Variants in ANKRD11 observed in about 807,000 individuals in gnomAD.
ANKRD11 encodes the protein ankyrin repeat domain-containing protein 11.
ANKRD11 carries 17 observed loss-of-function variants against 195.7 expected under a neutral mutation model. The observed-to-expected ratio is 0.09, with a 90% confidence interval of 0.06 to 0.13. The LOEUF (loss-of-function observed/expected upper bound fraction) is 0.13, where lower values mean the gene tolerates loss of function less well. Among genes scored for constraint, ANKRD11 ranks in the 10% least tolerant of loss-of-function variants. The pLI is 1.00. For missense variants in ANKRD11, 3,735 were observed against 3,566.1 expected, an observed-to-expected ratio of 1.05 and a Z score of -1.21; for synonymous variants, 1,953 against 1,528.1, an observed-to-expected ratio of 1.28 and a Z score of -6.49.
intron 2 of ANKRD11, among the ~76,000 whole-genome samples, chr16:89,401,308 AC>A (rs1429862552): frequency 6.6e-6 from 1 of 151,772 alleles, no homozygotes; most frequent in East Asian, 1.9e-4. Context: ...CGAACTCCTG[AC>A]CTCGTGATCC....
intron 2 of ANKRD11, among the ~76,000 whole-genome samples, chr16:89,366,550 G>T (rs1356984255): frequency 6.6e-6 from 1 of 152,192 alleles, no homozygotes; most frequent in Non-Finnish European, 1.5e-5. Context: ...GTCTCGCTGT[G>T]AGAAACCCAG....
Position 89,282,685 on chromosome 16 carries a change from T to G in ANKRD11, c.3857A>C (p.Glu1286Ala). The change falls in exon 9 of 13, where the codon GAA becomes GCA. Residue 1286 changes from glutamate to alanine, a missense_variant. Transcript: ENST00000301030. Reference sequence around the variant, plus strand: ...TTCTCTGTACTCATGGAGAGCCTCTTCTTCCAACTTTTCAAGCAGGCTTTT... The same window carrying G: ...TTCTCTGTACTCATGGAGAGCCTCTGCTTCCAACTTTTCAAGCAGGCTTTT... Reference protein sequence around the residue: ...AEKSLLEKLEEEALHEYREDS... With the variant: ...AEKSLLEKLEAEALHEYREDS... The G allele has an allele frequency of 6.2e-7, 1 of 1,614,130 alleles. No homozygotes were observed. The highest frequency in any genetic ancestry group is 8.5e-7 in the Non-Finnish European group (1 of 1,180,026).
chr16:89,430,203 C>T (rs1304680309), intron 1 of ANKRD11, among the ~76,000 whole-genome samples: 2 of 98,894 alleles, frequency 2.0e-5, no homozygotes, highest in Non-Finnish European at 4.1e-5. Flanking sequence ...CAGGCTCAGA[C>T]GTTCTAGTAC....
intron 2 of ANKRD11, among the ~76,000 whole-genome samples, chr16:89,344,213 T>C (rs1026281744): frequency 3.3e-5 from 5 of 152,152 alleles, no homozygotes; most frequent in African/African-American, 7.2e-5. Context: ...CACTAGGGCT[T>C]AACGATCCAT....
chr16:89,313,080 G>T (rs938701006), intron 3 of ANKRD11, among the ~76,000 whole-genome samples: 3 of 152,146 alleles, frequency 2.0e-5, no homozygotes, highest in Non-Finnish European at 2.9e-5. Flanking sequence ...CACACAGCTC[G>T]CCAGGTCTCA....
intron 1 of ANKRD11, among the ~76,000 whole-genome samples, chr16:89,432,944 A>ATGTCTC (rs2043048237): frequency 9.2e-6 from 1 of 108,650 alleles, no homozygotes; most frequent in Non-Finnish European, 1.8e-5. Flanking sequence ...CAGAGACCCT[A>ATGTCTC]TCTCTCTCTC....
chr16:89,451,458 C>T (rs1447879421), intron 1 of ANKRD11, among the ~76,000 whole-genome samples: 2 of 143,744 alleles, frequency 1.4e-5, no homozygotes, highest in Non-Finnish European at 3.0e-5. Context: ...GAGGCCCAGG[C>T]AGGAGTGCAG....
intron 4 of ANKRD11, among the ~76,000 whole-genome samples, chr16:89,293,469 T>A (rs2035199500): frequency 7.7e-6 from 1 of 129,042 alleles, no homozygotes; most frequent in Non-Finnish European, 1.6e-5. Context: ...GGGGCAGAGT[T>A]GTGGCTGCGG....
chr16:89,386,837 G>C (rs2040933133), intron 2 of ANKRD11, among the ~76,000 whole-genome samples: 1 of 152,194 alleles, frequency 6.6e-6, no homozygotes, highest in Non-Finnish European at 1.5e-5. Flanking sequence ...TGAAGACTCA[G>C]TCCTATCACA....
intron 2 of ANKRD11, among the ~76,000 whole-genome samples, chr16:89,372,524 G>A (rs1168489515): frequency 2.0e-5 from 3 of 152,080 alleles, no homozygotes; most frequent in Admixed American, 6.5e-5. Flanking sequence ...TGACAGAGAC[G>A]CCACTGAAAC....
intron 10 of ANKRD11, 36 bp downstream of exon 10, chr16:89,275,057 G>A (rs2033527481): frequency 1.2e-6 from 2 of 1,612,300 alleles, no homozygotes; most frequent in Non-Finnish European, 1.7e-6. Context: ...AAAAGCCCTG[G>A]CCGTGGCGCC....
Position 89,279,276 on chromosome 16 carries a change from G to A in ANKRD11, c.7266C>T (p.Ile2422=), listed in dbSNP as rs1385177310. ...QQTLAAIVDA[I]KLDAIEPYHS... is the part of the protein sequence containing the mutation. Reference sequence around the variant, plus strand: ...GGTAGGGCTCGATGGCATCCAGCTTGATGGCGTCCACGATGGCGGCCAGCG... The same window carrying A: ...GGTAGGGCTCGATGGCATCCAGCTTAATGGCGTCCACGATGGCGGCCAGCG... The change falls in exon 9 of 13, where the codon ATC becomes ATT. Residue 2422 remains isoleucine, a synonymous_variant. Coordinates refer to ENST00000301030, the MANE Select transcript of ANKRD11 (RefSeq NM_013275.6). The surrounding 1 kb of genome is among the most constrained non-coding windows in gnomAD (Gnocchi z 5.6). 2.5e-6 allele frequency: 4 copies of A among 1,611,784 alleles called. No individual in the cohort carries two copies. Among genetic ancestry groups the A allele is most frequent in the Non-Finnish European group, 3.4e-6 (4 of 1,179,686 alleles).
At chr16:89,417,549 G>A (rs2042357123) in intron 2 of ANKRD11, among the ~76,000 whole-genome samples, 1 of 152,122 alleles carries the variant, frequency 6.6e-6, no homozygotes, top group Non-Finnish European at 1.5e-5. Flanking sequence ...TGACTCCCAG[G>A]AGGAGGCAAG....
chr16:89,395,319 G>A (rs2041378059), intron 2 of ANKRD11, among the ~76,000 whole-genome samples: 1 of 152,240 alleles, frequency 6.6e-6, no homozygotes. Context: ...AATCCTGGGA[G>A]CAGCGTCGGT....
rs78497373 is a variant in ANKRD11, at chr16:89,475,977, G to A, written c.-145+14268C>T. 6.4e-3 allele frequency among the ~76,000 whole-genome samples: 965 copies of A among 151,822 alleles called. 9 individuals are homozygous for A. Among genetic ancestry groups the A allele is most frequent in the African/African-American group, 0.022 (906 of 41,380 alleles). ...TGAGGCAGATGAAGTGCTTGAAACC[G>A]GGAGGTGGAGGTTGCAGGGAGCCAA... On this transcript the variant is annotated intron_variant, in intron 1 of 12. Coordinates refer to ENST00000301030, the MANE Select transcript of ANKRD11 (RefSeq NM_013275.6).
At chr16:89,269,728 C>T (rs1399739982) in intron 12 of ANKRD11, among the ~76,000 whole-genome samples, 2 of 151,950 alleles carry the variant, frequency 1.3e-5, no homozygotes, top group African/African-American at 2.4e-5. Context: ...CTCAGTCTCC[C>T]GGAATTACAG....
At position 89,328,842 on chromosome 16, in the gene ANKRD11, GGA is replaced by G. The variant is rs1281220985; in HGVS notation, c.-59-11766_-59-11765del. On this transcript the variant is annotated intron_variant, in intron 2 of 12. Coordinates refer to ENST00000301030, the MANE Select transcript of ANKRD11 (RefSeq NM_013275.6). ...CCTGCTGAGTGAGTGGACATACCCA[GGA>G]GCACGGGCGAAATCAGTGGAGGCCC... 5.1e-3 allele frequency: 625 copies of G among 122,950 alleles called. 49 individuals are homozygous for G. The highest frequency in any genetic ancestry group is 0.019 in the African/African-American group (583 of 30,834). The allele number at this position is 122,950 out of a possible 1,614,324, so 7.6% of individuals were successfully genotyped here.
chr16:89,335,360 C>T (rs955138840), intron 2 of ANKRD11, among the ~76,000 whole-genome samples: 1 of 152,228 alleles, frequency 6.6e-6, no homozygotes, highest in East Asian at 1.9e-4. Flanking sequence ...CACACCGAGG[C>T]ATCCGTGAGT....
At chr16:89,324,497 G>A (rs1036631024) in intron 2 of ANKRD11, 9 of 456,330 alleles carry the variant, frequency 2.0e-5, no homozygotes, top group Admixed American at 7.0e-5. Flanking sequence ...ACTGTTCCTG[G>A]GAGCATCTTG....
Sources: gnomAD v4.1 joint callset for allele counts (sites outside exome capture counted in the v4.1 genomes callset) on GRCh38, gnomAD v4.1.1 for gene constraint, Gnocchi (gnomAD v3.1) non-coding constraint, MANE v1.5 for transcripts, NCBI Gene and HGNC (gene_info 2026-07-23, HGNC 2026-07-21) for gene names.